Variants in LARGE1 observed in about 807,000 individuals in gnomAD.
LARGE1 encodes the protein xylosyl- and glucuronyltransferase LARGE1.
In LARGE1, 43 loss-of-function variants were observed where a neutral mutation model predicts 87.6. That is an observed-to-expected ratio of 0.49 (90% CI 0.38 to 0.63). LARGE1 has a LOEUF of 0.63. LARGE1 is among the 30% of genes least tolerant of loss of function. The probability of loss-of-function intolerance (pLI) is 0.00; values close to 1 mark genes in which losing one functional copy is unlikely to be tolerated. For synonymous variants in LARGE1, 434 were observed against 394.6 expected (o/e 1.10, Z -1.18); for missense variants, 802 against 1,000.2 (o/e 0.80, Z 2.67).
At chr22:33,097,746 G>C in the LARGE1 span, among the ~76,000 whole-genome samples, 1 of 152,326 alleles carries the variant, frequency 6.6e-6, no homozygotes, top group Non-Finnish European at 1.5e-5. Context: ...TAAGAGGAAA[G>C]TGGTTGTACT....
At chr22:33,332,071 G>T (rs1194638705) in intron 10 of LARGE1, among the ~76,000 whole-genome samples, 7 of 152,098 alleles carry the variant, frequency 4.6e-5, no homozygotes, top group Non-Finnish European at 8.8e-5. Context: ...AATGCTGCCT[G>T]CTAGAACACT....
chr22:33,318,213 C>T (rs777388047), intron 10 of LARGE1, among the ~76,000 whole-genome samples: 90 of 138,608 alleles, frequency 6.5e-4, no homozygotes, highest in Admixed American at 3.7e-3. Context: ...CCAGCCTGGG[C>T]GACAGAGCGA....
At chr22:33,361,841 C>G (rs8143073) in intron 9 of LARGE1, among the ~76,000 whole-genome samples, 11,458 of 147,898 alleles carry the variant, frequency 0.077, 1,797 homozygotes, top group African/African-American at 0.26. Flanking sequence ...TTCCATTACT[C>G]ACCAATTAGG....
intron 2 of LARGE1, among the ~76,000 whole-genome samples, chr22:33,679,869 A>T (rs955384804): frequency 6.6e-6 from 1 of 152,130 alleles, no homozygotes; most frequent in Admixed American, 6.5e-5. Flanking sequence ...AACAAAAGAA[A>T]AAAAGAAGTT....
chr22:33,071,982 C>G, the LARGE1 span, among the ~76,000 whole-genome samples: 1 of 152,136 alleles, frequency 6.6e-6, no homozygotes, highest in Non-Finnish European at 1.5e-5. Flanking sequence ...GTTTTGATCC[C>G]CTAAATGCAG....
In LARGE1 at chr22:33,679,409, G is replaced by A. The variant is rs141880692; in HGVS notation, c.107-28741C>T. Among the ~76,000 whole-genome samples the A allele has an allele frequency of 8.6e-5, 13 of 152,024 alleles. No homozygotes were observed. The East Asian group carries it at 1.5e-3, about 18-fold the overall frequency. Reference sequence around the variant, plus strand: ...GTCATACTGGAGTAGAAATGTCCACGAATCCATTATAACCAATGTTCTTAT... The same window carrying A: ...GTCATACTGGAGTAGAAATGTCCACAAATCCATTATAACCAATGTTCTTAT... On this transcript the variant is annotated intron_variant, in intron 2 of 14. Coordinates refer to ENST00000397394, the MANE Select transcript of LARGE1 (RefSeq NM_133642.5).
chr22:33,271,173 G>C (rs575506524), downstream of LARGE1, among the ~76,000 whole-genome samples: 1 of 152,322 alleles, frequency 6.6e-6, no homozygotes, highest in East Asian at 1.9e-4. Context: ...AAGAAGACTA[G>C]AAATCCAAGA....
intron 6 of LARGE1, among the ~76,000 whole-genome samples, chr22:33,449,428 A>G (rs1601886590): frequency 6.6e-6 from 1 of 152,338 alleles, no homozygotes; most frequent in Non-Finnish European, 1.5e-5. Flanking sequence ...ATTAATATAA[A>G]GGGGAGGCAA....
At chr22:33,866,574 C>T (rs1397332569) in intron 1 of LARGE1, among the ~76,000 whole-genome samples, 1 of 152,158 alleles carries the variant, frequency 6.6e-6, no homozygotes, top group Non-Finnish European at 1.5e-5. Context: ...CTCTGTGCCT[C>T]ATTTCCTCAT....
chr22:33,714,322 C>T (rs553031990), intron 2 of LARGE1, among the ~76,000 whole-genome samples: 6 of 152,176 alleles, frequency 3.9e-5, no homozygotes, highest in Non-Finnish European at 7.3e-5. Context: ...AAAACTCCAG[C>T]TCTAGAGGCA....
intron 6 of LARGE1, among the ~76,000 whole-genome samples, chr22:33,563,562 G>A (rs1440278965): frequency 2.0e-5 from 3 of 152,158 alleles, no homozygotes; most frequent in Non-Finnish European, 4.4e-5. Context: ...GACACGATAG[G>A]GGAACTTGAA....
chr22:33,777,462 A>T lies in LARGE1; in HGVS notation c.-82-15904T>A, dbSNP rs557024998. Among the ~76,000 whole-genome samples the T allele has an allele frequency of 3.9e-5, 6 of 151,974 alleles. No individual in the cohort carries two copies. The East Asian group carries it at 1.2e-3, about 30-fold the overall frequency. ...AGACCAGCCTGGGCTACAACATGAG[A>T]CCTCATCTCTACAAAAAAAGCATTT... On this transcript the variant is annotated intron_variant, in intron 1 of 14. Transcript: ENST00000397394.
chr22:33,340,109 T>C (rs1372435526), intron 9 of LARGE1, among the ~76,000 whole-genome samples: 3 of 149,536 alleles, frequency 2.0e-5, no homozygotes, highest in Non-Finnish European at 4.4e-5. Flanking sequence ...TTTGTATTAG[T>C]TTATTTAATA....
chr22:33,464,450 A>C (rs1281184554), intron 6 of LARGE1, among the ~76,000 whole-genome samples: 1 of 152,198 alleles, frequency 6.6e-6, no homozygotes, highest in Non-Finnish European at 1.5e-5. Flanking sequence ...AATAAACTGA[A>C]GGCTGATATT....
chr22:33,104,963 C>CTCTT, the LARGE1 span, among the ~76,000 whole-genome samples: 4 of 140,570 alleles, frequency 2.8e-5, no homozygotes, highest in Non-Finnish European at 6.2e-5. Flanking sequence ...CTCTCTTTCT[C>CTCTT]TCTTTCTTTC....
At chr22:33,512,759 C>T (rs1448462932) in intron 6 of LARGE1, among the ~76,000 whole-genome samples, 1 of 152,276 alleles carries the variant, frequency 6.6e-6, no homozygotes, top group South Asian at 2.1e-4. Flanking sequence ...GCAGAGATTA[C>T]ACCACTACAC....
intron 6 of LARGE1, among the ~76,000 whole-genome samples, chr22:33,468,041 T>C (rs574857718): frequency 3.9e-5 from 6 of 152,194 alleles, no homozygotes; most frequent in Non-Finnish European, 8.8e-5. Context: ...AATGCAGATC[T>C]TGAAGGTAAC....
At chr22:33,197,409 A>G (rs1042601700) in intron 11 of LARGE1, among the ~76,000 whole-genome samples, 5 of 151,886 alleles carry the variant, frequency 3.3e-5, no homozygotes, top group African/African-American at 9.7e-5. Context: ...AATTATAAAA[A>G]TAATTACTAG....
intron 6 of LARGE1, among the ~76,000 whole-genome samples, chr22:33,477,568 G>A (rs963918761): frequency 7.9e-5 from 12 of 151,994 alleles, no homozygotes; most frequent in African/African-American, 2.9e-4. Context: ...TACCCCCAAA[G>A]CTTGCCTGTG....
Sources: allele counts gnomAD v4.1 joint callset (sites outside exome capture counted in the v4.1 genomes callset), GRCh38; gene constraint gnomAD v4.1.1; transcripts MANE v1.5; gene names NCBI Gene and HGNC (gene_info 2026-07-23, HGNC 2026-07-21).